Variants in PKN2 observed in about 807,000 individuals in gnomAD.
The protein encoded by PKN2 is serine/threonine-protein kinase N2.
In PKN2, 38 loss-of-function variants were observed where a neutral mutation model predicts 119.1. The observed-to-expected ratio is 0.32, with a 90% CI of 0.25 to 0.42. The LOEUF (loss-of-function observed/expected upper bound fraction) is 0.42, where lower values mean the gene tolerates loss of function less well. PKN2 is among the 10% of genes least tolerant of loss of function. PKN2 has a pLI of 1.00. For synonymous variants in PKN2, 390 were observed against 384.9 expected (o/e 1.01, Z -0.15); for missense variants, 850 against 1,165.1 (o/e 0.73, Z 3.94).
Position 88,833,703 on chromosome 1 carries a change from AT to A in PKN2, c.*256del, listed in dbSNP as rs1672826511. On this transcript the variant is annotated 3_prime_UTR_variant, in exon 22 of 22. Coordinates refer to ENST00000370521, the MANE Select transcript of PKN2 (RefSeq NM_006256.4). ...AGTTGAGTGAACATCGGCCATGAAA[AT>A]CCATCACGAATACTTTTGGATCAAT... 1 of 393,298 alleles carries A rather than the reference AT, an allele frequency of 2.5e-6. No individual in the cohort carries two copies. The highest frequency in any genetic ancestry group is 4.5e-6 in the Non-Finnish European group (1 of 221,290). The allele number at this position is 393,298 out of a possible 1,614,324, so 24.4% of individuals were successfully genotyped here.
At chr1:88,767,480 C>A (rs938103266) in intron 3 of PKN2, among the ~76,000 whole-genome samples, 1 of 152,052 alleles carries the variant, frequency 6.6e-6, no homozygotes, top group Non-Finnish European at 1.5e-5. Context: ...CATCATTGTG[C>A]GGGTATCATA....
intron 8 of PKN2, among the ~76,000 whole-genome samples, chr1:88,792,974 A>C (rs1670907306): frequency 6.6e-6 from 1 of 152,216 alleles, no homozygotes; most frequent in Admixed American, 6.5e-5. Flanking sequence ...TTACTGCCAT[A>C]TGCAATTTAC....
chr1:88,802,913 T>C (rs760873690), intron 8 of PKN2, among the ~76,000 whole-genome samples: 1 of 152,220 alleles, frequency 6.6e-6, no homozygotes, highest in African/African-American at 2.4e-5. Context: ...TAGACCTCTC[T>C]TCCTCCAATC....
chr1:88,728,771 T>G lies in PKN2; in HGVS notation c.49-12217T>G, dbSNP rs1481603936. On this transcript the variant is annotated intron_variant, in intron 1 of 21. Transcript: ENST00000370521. ...TCAACGGGAGGAGGCTAGAGTGATC[T>G]GTGTTTTGATAGATTCAAGTTGGAG... Among the ~76,000 whole-genome samples the G allele has an allele frequency of 5.3e-5, 8 of 152,274 alleles. No individual in the cohort carries two copies. In the South Asian group the frequency reaches 1.7e-3, roughly 32 times the overall value.
intron 2 of PKN2, among the ~76,000 whole-genome samples, chr1:88,752,898 A>AT (rs1669056633): frequency 6.6e-6 from 1 of 152,110 alleles, no homozygotes; most frequent in African/African-American, 2.4e-5. Context: ...GCCTATTTAA[A>AT]TGATTACTAT....
In PKN2 at chr1:88,833,360, T is replaced by C; in HGVS notation, c.2867T>C (p.Ile956Thr). Reference protein sequence around the residue: ...FDDEFTSEAPILTPPREPRIL... With the variant: ...FDDEFTSEAPTLTPPREPRIL... ...GATGAATTTACCTCAGAAGCACCTA[T>C]TCTGACTCCACCTCGAGAACCAAGG... The change falls in exon 22 of 22, where the codon ATT (isoleucine) becomes ACT (threonine). Residue 956 changes from isoleucine (I) to threonine (T), a missense_variant. This residue lies in a region of PKN2 where 52 missense variants were observed against 39.9 expected (regional missense o/e 1.30). Coordinates refer to ENST00000370521, the MANE Select transcript of PKN2 (RefSeq NM_006256.4). 6.2e-7 allele frequency: 1 copy of C among 1,613,524 alleles called. No homozygotes were observed. The highest frequency in any genetic ancestry group is 8.5e-7 in the Non-Finnish European group (1 of 1,179,532).
At chr1:88,776,162 T>C (rs930642852) in intron 6 of PKN2, among the ~76,000 whole-genome samples, 2 of 150,330 alleles carry the variant, frequency 1.3e-5, no homozygotes, top group African/African-American at 2.4e-5. Flanking sequence ...TAATTTTACC[T>C]GCGTTTGTCT....
intron 2 of PKN2, among the ~76,000 whole-genome samples, chr1:88,743,251 A>G (rs1668644872): frequency 6.6e-6 from 1 of 152,222 alleles, no homozygotes; most frequent in Non-Finnish European, 1.5e-5. Context: ...TTTTAAGTAC[A>G]TGATTTAATG....
chr1:88,744,269 A>G (rs1387715147), intron 2 of PKN2, among the ~76,000 whole-genome samples: 2 of 152,212 alleles, frequency 1.3e-5, no homozygotes, highest in East Asian at 1.9e-4. Flanking sequence ...TCTGAAAGGT[A>G]TGAGTGGATT....
intron 1 of PKN2, among the ~76,000 whole-genome samples, chr1:88,738,559 G>A (rs1668447964): frequency 6.6e-6 from 1 of 152,200 alleles, no homozygotes. Context: ...GAACAAAGTG[G>A]AAAGAAATGG....
intron 8 of PKN2, among the ~76,000 whole-genome samples, chr1:88,803,434 A>G (rs955832191): frequency 6.6e-6 from 1 of 152,212 alleles, no homozygotes; most frequent in East Asian, 1.9e-4. Flanking sequence ...AGAGCCTTAA[A>G]AGGAGAAACA....
At chr1:88,803,629 A>G (rs1263988103) in intron 8 of PKN2, among the ~76,000 whole-genome samples, 2 of 152,190 alleles carry the variant, frequency 1.3e-5, no homozygotes, top group Non-Finnish European at 2.9e-5. Context: ...AACCTTAAAT[A>G]TATTTCGCCA....
chr1:88,736,055 G>T (rs1407978149), intron 1 of PKN2, among the ~76,000 whole-genome samples: 1 of 151,906 alleles, frequency 6.6e-6, no homozygotes, highest in African/African-American at 2.4e-5. Context: ...CTCCAGCTAT[G>T]TGTTTTCAAA....
chr1:88,704,221 A>G (rs1220554443), intron 1 of PKN2, among the ~76,000 whole-genome samples: 1 of 152,194 alleles, frequency 6.6e-6, no homozygotes, highest in African/African-American at 2.4e-5. Flanking sequence ...GTTTTTATAC[A>G]AAAAGAATTA....
At chr1:88,787,073 A>G (rs1670609570) in intron 8 of PKN2, among the ~76,000 whole-genome samples, 1 of 151,874 alleles carries the variant, frequency 6.6e-6, no homozygotes, top group Admixed American at 6.6e-5. Context: ...TGTAATACTC[A>G]CAGAACTGTT....
At chr1:88,749,584 T>C (rs1668906757) in intron 2 of PKN2, among the ~76,000 whole-genome samples, 1 of 152,194 alleles carries the variant, frequency 6.6e-6, no homozygotes, top group Non-Finnish European at 1.5e-5. Context: ...TAAGCCTCCT[T>C]TAATTATTCA....
chr1:88,743,740 CA>C (rs1668661412), intron 2 of PKN2, among the ~76,000 whole-genome samples: 1 of 152,120 alleles, frequency 6.6e-6, no homozygotes, highest in African/African-American at 2.4e-5. Context: ...GAAAAACACC[CA>C]GCAAATCGCA....
At chr1:88,737,293 GTC>G (rs1668390988) in intron 1 of PKN2, among the ~76,000 whole-genome samples, 1 of 152,190 alleles carries the variant, frequency 6.6e-6, no homozygotes, top group Admixed American at 6.5e-5. Context: ...CTGAGGCCAT[GTC>G]TCTCTGCCTG....
rs535903711 is a variant in PKN2, at chr1:88,816,208, T to C, written c.2279+2475T>C. 6.6e-5 allele frequency among the ~76,000 whole-genome samples: 10 copies of C among 152,290 alleles called. No individual in the cohort carries two copies. In the South Asian group the frequency reaches 1.7e-3, roughly 25 times the overall value. On this transcript the variant is annotated intron_variant, in intron 16 of 21. Transcript: ENST00000370521. The stretch of plus-strand genomic sequence containing the variant: ...AGTATTGTTTTGCCACAAAAATAAG[T>C]TTGCTAAGAAAATTATGTTTAACTA...
Sources: gnomAD v4.1 joint callset for allele counts (sites outside exome capture counted in the v4.1 genomes callset) on GRCh38, gnomAD v4.1.1 for gene constraint, gnomAD v4.1.1 regional missense constraint, MANE v1.5 for transcripts, NCBI Gene and HGNC (gene_info 2026-07-23, HGNC 2026-07-21) for gene names.